IQANK1: variants seen among roughly 807,000 people sequenced by gnomAD.
The protein encoded by IQANK1 is IQ motif and ankyrin repeat domain-containing protein 1.
Under a neutral mutation model 22.6 loss-of-function variants are expected in IQANK1, and 30 were observed. That is an observed-to-expected ratio of 1.33 (90% CI 0.99 to 1.80). IQANK1 has a LOEUF of 1.80. Ranked by LOEUF, IQANK1 falls within the 40% of genes most tolerant of loss-of-function variation. The pLI is 0.00. For missense variants in IQANK1, 275 were observed against 235.2 expected (o/e 1.17, Z -1.11); for synonymous variants, 122 against 99.6 (o/e 1.23, Z -1.34).
intron 3 of IQANK1, chr8:143,741,710 G>C (rs1304066700): frequency 6.5e-6 from 1 of 152,708 alleles, no homozygotes; most frequent in Non-Finnish European, 1.5e-5. Context: ...ACATGCCTTC[G>C]GAGGAGTCCA....
intron 3 of IQANK1, chr8:143,742,060 C>T: frequency 3.4e-6 from 1 of 297,598 alleles, no homozygotes; most frequent in South Asian, 3.2e-5. Context: ...TGTGCCCTCG[C>T]TGCGGCCGAC....
In IQANK1 at chr8:143,773,327, A is replaced by AAAAAAAAC. The variant is rs1563777465; in HGVS notation, c.789+845_789+846insAAAAAAAC. ...AAAAAAAAAAAAAAACAAAAAAAAC[A>AAAAAAAAC]CAAAAAAAACAGAGTCTGCCCTGGG... On this transcript the variant is annotated intron_variant, in intron 7 of 13. Coordinates refer to ENST00000527139, the MANE Select transcript of IQANK1 (RefSeq NM_001381874.1). Among the ~76,000 whole-genome samples, 211 of 105,166 alleles carry AAAAAAAAC rather than the reference A, an allele frequency of 2.0e-3. 1 individual carries two copies. In the African/African-American group the frequency reaches 0.026, roughly 13 times the overall value. The allele number at this position is 105,166 out of a possible 152,430, so 69.0% of individuals were successfully genotyped here.
In IQANK1 at chr8:143,773,374, T is replaced by C. The variant is rs569818522; in HGVS notation, c.789+892T>C. Among the ~76,000 whole-genome samples, 6 of 151,554 alleles carry C rather than the reference T, an allele frequency of 4.0e-5. No individual in the cohort carries two copies. In the South Asian group the frequency reaches 1.0e-3, roughly 26 times the overall value. On this transcript the variant is annotated intron_variant, in intron 7 of 13. Coordinates refer to ENST00000527139, the MANE Select transcript of IQANK1 (RefSeq NM_001381874.1). ...TGGGCCAGGCTGGAGACACAATGCC[T>C]GGACTTGTCCCAGGCCCAGGAGTGG...
intron 7 of IQANK1, among the ~76,000 whole-genome samples, chr8:143,773,133 A>G (rs564455610): frequency 8.5e-4 from 130 of 152,176 alleles, no homozygotes; most frequent in Non-Finnish European, 1.7e-3. Context: ...ATGGTGAAAC[A>G]CCATCTCTAC....
intron 2 of IQANK1, among the ~76,000 whole-genome samples, chr8:143,739,081 C>G (rs7843837): frequency 1.3e-5 from 2 of 152,116 alleles, no homozygotes; most frequent in Non-Finnish European, 2.9e-5. Context: ...GGAGGTGGGG[C>G]GGGGGCTCTT....
intron 3 of IQANK1, among the ~76,000 whole-genome samples, chr8:143,760,210 GC>G (rs1449378182): frequency 1.3e-5 from 2 of 152,182 alleles, no homozygotes; most frequent in Non-Finnish European, 2.9e-5. Context: ...ACACCTGAGA[GC>G]CCAGGGAGCC....
intron 3 of IQANK1, among the ~76,000 whole-genome samples, chr8:143,767,868 G>A (rs1344086194): frequency 7.0e-6 from 1 of 143,332 alleles, no homozygotes; most frequent in Admixed American, 6.9e-5. Flanking sequence ...CTGGACGATG[G>A]AGCGAGACCT....
intron 7 of IQANK1, among the ~76,000 whole-genome samples, chr8:143,780,649 A>G (rs782565640): frequency 1.3e-5 from 2 of 152,196 alleles, no homozygotes; most frequent in Non-Finnish European, 2.9e-5. Flanking sequence ...TGCAAAGGAC[A>G]TGATCTCATT....
At chr8:143,751,664 G>GTGTA (rs370428606) in intron 3 of IQANK1, among the ~76,000 whole-genome samples, 1,033 of 61,584 alleles carry the variant, frequency 0.017, 37 homozygotes, top group African/African-American at 0.023. Context: ...GTGTGTGTGT[G>GTGTA]TATATATATA....
At chr8:143,756,575 G>A (rs1819296854) in intron 3 of IQANK1, among the ~76,000 whole-genome samples, 1 of 152,062 alleles carries the variant, frequency 6.6e-6, no homozygotes, top group Non-Finnish European at 1.5e-5. Context: ...TGGTGGGTCT[G>A]GTGCCATCGG....
In IQANK1 at chr8:143,735,911, C is replaced by CCTG. The variant is rs1238104241; in HGVS notation, c.59_61dup (p.Pro20_Gly21insAla). The CCTG allele has an allele frequency of 1.0e-5, 7 of 702,492 alleles. No homozygotes were observed. The highest frequency in any genetic ancestry group is 8.7e-5 in the African/African-American group (5 of 57,182). The allele number at this position is 702,492 out of a possible 1,614,324, so 43.5% of individuals were successfully genotyped here. On this transcript the variant is annotated inframe_insertion, in exon 2 of 14. Transcript: ENST00000527139. The surrounding 1 kb of genome is among the most constrained non-coding windows in gnomAD (Gnocchi z 5.2). ...AGCTGGGAAGTGGCAGACGCTCCAC[C>CCTG]CTGGGCCCAAGACAAGAGCTGCTGC... is the stretch of plus-strand genomic sequence containing the variant.
In IQANK1 at chr8:143,789,444, G is replaced by A; in HGVS notation, c.1002G>A (p.Gln334=). The part of the protein sequence containing the change: ...EQQQCHKELQ[Q]AYCELSRRIS... ...CCCGTACGCCCACCCAGCTGCAACA[G>A]GCCTACTGTGAGCTTAGCCGGAGGA... The change falls in exon 10 of 14, where the codon CAG becomes CAA. Residue 334 remains glutamine, a synonymous_variant. Coordinates refer to ENST00000527139, the MANE Select transcript of IQANK1 (RefSeq NM_001381874.1). 8.1e-7 allele frequency: 1 copy of A among 1,230,688 alleles called. No homozygotes were observed. The highest frequency in any genetic ancestry group is 1.0e-6 in the Non-Finnish European group (1 of 986,702). 76.2% of individuals were successfully genotyped at this position (1,230,688 alleles called of 1,614,324 possible).
chr8:143,781,913 G>A (rs1819802822), intron 7 of IQANK1, among the ~76,000 whole-genome samples: 1 of 152,182 alleles, frequency 6.6e-6, no homozygotes, highest in Non-Finnish European at 1.5e-5. Flanking sequence ...TGGGCAATAT[G>A]GCCATTTTAA....
At chr8:143,751,442 T>C (rs929295863) in intron 3 of IQANK1, among the ~76,000 whole-genome samples, 2 of 151,584 alleles carry the variant, frequency 1.3e-5, no homozygotes, top group African/African-American at 2.4e-5. Flanking sequence ...TGAAACCCCG[T>C]CTCTACTAAA....
At chr8:143,747,237 T>G (rs11992439) in intron 3 of IQANK1, among the ~76,000 whole-genome samples, 31,277 of 152,170 alleles carry the variant, frequency 0.21, 9,091 homozygotes, top group African/African-American at 0.65. Context: ...TCTGGTCTTG[T>G]AAATTTTAAC....
intron 7 of IQANK1, among the ~76,000 whole-genome samples, chr8:143,786,750 G>A (rs1207971214): frequency 6.6e-6 from 1 of 152,210 alleles, no homozygotes; most frequent in Non-Finnish European, 1.5e-5. Flanking sequence ...TTTTAAGAAA[G>A]GTGGCCAAGG....
At chr8:143,788,610 G>A (rs1360605331) in intron 7 of IQANK1, among the ~76,000 whole-genome samples, 1 of 152,236 alleles carries the variant, frequency 6.6e-6, no homozygotes, top group Admixed American at 6.5e-5. Context: ...CGGGAAGCCT[G>A]GGCCAGGTCC....
chr8:143,739,637 C>T (rs1381574783), intron 2 of IQANK1: 9 of 439,326 alleles, frequency 2.0e-5, no homozygotes, highest in South Asian at 1.0e-4. Context: ...GGCTGGCTCT[C>T]GCCTGTGCCT....
At chr8:143,775,351 C>CAG (rs1819662135) in intron 7 of IQANK1, among the ~76,000 whole-genome samples, 1 of 150,148 alleles carries the variant, frequency 6.7e-6, no homozygotes, top group African/African-American at 2.5e-5. Flanking sequence ...CACACACACA[C>CAG]ACAGACACAC....
Sources: allele counts gnomAD v4.1 joint callset (sites outside exome capture counted in the v4.1 genomes callset), GRCh38; gene constraint gnomAD v4.1.1; non-coding constraint Gnocchi (gnomAD v3.1); transcripts MANE v1.5; gene names NCBI Gene and HGNC (gene_info 2026-07-23, HGNC 2026-07-21).